The following INO80 variants were observed in gnomAD, a reference collection of about 807,000 sequenced individuals.
The protein encoded by INO80 is INO80 complex ATPase subunit, also known as chromatin-remodeling ATPase INO80.
A neutral mutation model predicts 203.4 loss-of-function variants in INO80; 20 were observed. That is an observed-to-expected ratio of 0.10 (90% CI 0.07 to 0.14). INO80 has a LOEUF of 0.14. Among genes scored for constraint, INO80 ranks in the 10% least tolerant of loss-of-function variants. INO80 has a pLI of 1.00. For missense variants in INO80, 1,419 were observed against 1,914.4 expected (o/e 0.74, Z 4.83); for synonymous variants, 726 against 685.2 (o/e 1.06, Z -0.93).
intron 24 of INO80, among the ~76,000 whole-genome samples, chr15:41,034,577 A>C (rs1318577926): frequency 1.3e-5 from 2 of 152,380 alleles, no homozygotes; most frequent in South Asian, 2.1e-4. Context: ...GCGTAGAAGG[A>C]AACAGAATGA....
At chr15:41,058,538 C>A (rs2045037444) in intron 16 of INO80, 101 bp downstream of exon 16, 2 of 1,034,236 alleles carry the variant, frequency 1.9e-6, no homozygotes, top group Non-Finnish European at 2.7e-6. Context: ...TGATTTTATT[C>A]ATATATACAA....
chr15:41,027,821 C>T, intron 24 of INO80, 85 bp from the exon 25 acceptor site: 1 of 1,051,206 alleles, frequency 9.5e-7, no homozygotes, highest in East Asian at 2.6e-5. Flanking sequence ...TATTAAACAT[C>T]TAACTTTAAG....
chr15:40,991,325 A>T (rs1172885152), intron 29 of INO80, among the ~76,000 whole-genome samples: 1 of 152,194 alleles, frequency 6.6e-6, no homozygotes, highest in Non-Finnish European at 1.5e-5. Flanking sequence ...AAATACGTAC[A>T]AACTAATAGG....
At chr15:41,089,951 A>G (rs1176155830) in intron 5 of INO80, among the ~76,000 whole-genome samples, 1 of 152,210 alleles carries the variant, frequency 6.6e-6, no homozygotes, top group East Asian at 1.9e-4. Context: ...AGGTGTTTCC[A>G]TATGACCCAG....
At chr15:41,081,707 T>C (rs542159635) in intron 7 of INO80, among the ~76,000 whole-genome samples, 58 of 152,266 alleles carry the variant, frequency 3.8e-4, no homozygotes, top group Non-Finnish European at 7.6e-4. Flanking sequence ...ATGATGTCTA[T>C]TTGACATGGA....
chr15:41,015,083 C>T (rs1390780245), intron 27 of INO80, among the ~76,000 whole-genome samples: 5 of 152,170 alleles, frequency 3.3e-5, no homozygotes, highest in African/African-American at 1.2e-4. Context: ...TTTTCACTCT[C>T]CTGTTTCTAG....
chr15:41,014,888 G>A (rs1242196996), intron 27 of INO80, among the ~76,000 whole-genome samples: 1 of 152,094 alleles, frequency 6.6e-6, no homozygotes, highest in East Asian at 1.9e-4. Flanking sequence ...TCCTAGATAA[G>A]GAAAATAACA....
In INO80 at chr15:41,011,526, T is replaced by A. The variant is rs1413403109; in HGVS notation, c.3402+4562A>T. On this transcript the variant is annotated intron_variant, in intron 27 of 35. Transcript: ENST00000648947. ...GGTTGTAAGCTGACAAATTTCCTTC[T>A]ACAATTCTTAAGACCTAATAAGAAC... is the stretch of plus-strand genomic sequence containing the variant. 2.0e-5 allele frequency: 3 copies of A among 152,030 alleles called. No homozygotes were observed. In the East Asian group the frequency reaches 5.8e-4, roughly 29 times the overall value. 9.4% of individuals were successfully genotyped at this position (152,030 alleles called of 1,614,324 possible). A position where few individuals can be genotyped will look rare whatever the true frequency, so the allele number is the denominator to read the frequency against.
At chr15:41,010,672 T>A (rs2044120518) in intron 27 of INO80, among the ~76,000 whole-genome samples, 1 of 152,170 alleles carries the variant, frequency 6.6e-6, no homozygotes, top group Non-Finnish European at 1.5e-5. Context: ...ATCCTGTCCA[T>A]AACCTGATCT....
In INO80 at chr15:40,982,987, C is replaced by T; in HGVS notation, c.4328G>A (p.Gly1443Glu). 6.2e-7 allele frequency: 1 copy of T among 1,614,204 alleles called. No individual in the cohort carries two copies. Among genetic ancestry groups the T allele is most frequent in the Non-Finnish European group, 8.5e-7 (1 of 1,180,038 alleles). Reference sequence around the variant, plus strand: ...CTTTCGGCTCCGGCCCTTCCCTGCTCCTTTGGCTGTGCTTCCTGAACCTTT... The same window carrying T: ...CTTTCGGCTCCGGCCCTTCCCTGCTTCTTTGGCTGTGCTTCCTGAACCTTT... Reference protein sequence around the residue: ...RPKGSGSTAKGAGKGRSRKST... With the variant: ...RPKGSGSTAKEAGKGRSRKST... Residue 1443 changes from glycine to glutamate, a missense_variant, in exon 35 of 36, where the codon GGA becomes GAA. Coordinates refer to ENST00000648947, the MANE Select transcript of INO80 (RefSeq NM_017553.3).
intron 26 of INO80, among the ~76,000 whole-genome samples, chr15:41,016,417 G>A (rs79663573): frequency 9.2e-5 from 14 of 152,160 alleles, no homozygotes; most frequent in Non-Finnish European, 1.8e-4. Flanking sequence ...ATCCCCAAAG[G>A]GGGAAGTGCA....
chr15:41,027,452 C>T, intron 25 of INO80, 144 bp downstream of exon 25: 2 of 676,616 alleles, frequency 3.0e-6, no homozygotes, highest in Non-Finnish European at 4.7e-6. Flanking sequence ...ATCACAAATG[C>T]CCACATTTTA....
chr15:41,012,148 AGAG>A (rs767557555), intron 27 of INO80, among the ~76,000 whole-genome samples: 1 of 152,264 alleles, frequency 6.6e-6, no homozygotes, highest in Non-Finnish European at 1.5e-5. Flanking sequence ...ACTAGAATAC[AGAG>A]AAGAGTCCCT....
chr15:40,997,249 G>C (rs537001353), intron 29 of INO80, among the ~76,000 whole-genome samples: 3 of 152,138 alleles, frequency 2.0e-5, no homozygotes, highest in Non-Finnish European at 4.4e-5. Context: ...CTGCACTCCA[G>C]CCTGGGCAAC....
At chr15:41,007,216 C>G (rs1194378642) in intron 27 of INO80, among the ~76,000 whole-genome samples, 3 of 127,198 alleles carry the variant, frequency 2.4e-5, no homozygotes. Context: ...CACTGTCTTG[C>G]TCGTCACCCA....
In INO80 at chr15:40,979,772, A is replaced by G. The variant is rs536211027; in HGVS notation, c.*451T>C. ...TGAAGACTGTGGACAACAGGTATAC[A>G]ATCTCCCTTACTAGCCCTATGAGAA... On this transcript the variant is annotated 3_prime_UTR_variant, in exon 36 of 36. Coordinates refer to ENST00000648947, the MANE Select transcript of INO80 (RefSeq NM_017553.3). The G allele has an allele frequency of 1.6e-4, 30 of 189,660 alleles. No individual in the cohort carries two copies. The highest frequency in any genetic ancestry group is 6.8e-4 in the African/African-American group (29 of 42,684). The allele number at this position is 189,660 out of a possible 1,614,324, so 11.7% of individuals were successfully genotyped here.
At chr15:41,091,934 G>A in intron 5 of INO80, 93 bp downstream of exon 5, 3 of 1,079,334 alleles carry the variant, frequency 2.8e-6, no homozygotes, top group South Asian at 3.4e-5. Context: ...TTATAGGTGT[G>A]AGCCACCACG....
At chr15:41,108,626 C>G (rs1365612665) in intron 1 of INO80, among the ~76,000 whole-genome samples, 1 of 150,600 alleles carries the variant, frequency 6.6e-6, no homozygotes, top group Admixed American at 6.6e-5. Flanking sequence ...AAAAGAAAAG[C>G]CACAAATAGA....
chr15:41,066,488 T>C (rs1444276848), intron 14 of INO80, among the ~76,000 whole-genome samples: 1 of 151,770 alleles, frequency 6.6e-6, no homozygotes, highest in African/African-American at 2.4e-5. Flanking sequence ...GTAAATACTA[T>C]GTTCTATGTA....
Sources: allele counts gnomAD v4.1 joint callset (sites outside exome capture counted in the v4.1 genomes callset), GRCh38; gene constraint gnomAD v4.1.1; transcripts MANE v1.5; gene names NCBI Gene and HGNC (gene_info 2026-07-23, HGNC 2026-07-21).